MLXIPL: variants seen among roughly 807,000 people sequenced by gnomAD.
MLXIPL encodes MLX interacting protein like.
In MLXIPL, 49 loss-of-function variants were observed where a neutral mutation model predicts 81.5. That is an observed-to-expected ratio of 0.60 (90% CI 0.48 to 0.76). The LOEUF (loss-of-function observed/expected upper bound fraction) is 0.76, where lower values mean the gene tolerates loss of function less well. MLXIPL is among the 30% of genes least tolerant of loss of function. The pLI is 0.00. For synonymous variants in MLXIPL, 466 were observed against 485.5 expected (o/e 0.96, Z 0.53); for missense variants, 1,053 against 1,167.0 (o/e 0.90, Z 1.42).
At chr7:73,646,131 C>T in the MLXIPL span, among the ~76,000 whole-genome samples, 5 of 152,186 alleles carry the variant, frequency 3.3e-5, no homozygotes, top group Non-Finnish European at 7.3e-5. Flanking sequence ...CTCCCAGCCC[C>T]TGACAAACCC....
chr7:73,613,166 C>G (rs1276034769), intron 2 of MLXIPL, among the ~76,000 whole-genome samples: 4 of 152,166 alleles, frequency 2.6e-5, no homozygotes, highest in African/African-American at 7.2e-5. Context: ...CCTCCCCACT[C>G]CCGTGAAGCC....
chr7:73,609,229 C>G (rs1795525971), intron 2 of MLXIPL: 1 of 147,518 alleles, frequency 6.8e-6, no homozygotes, highest in East Asian at 2.0e-4. Context: ...CCTAGCTTCC[C>G]TGGCCACTTT....
intron 7 of MLXIPL, among the ~76,000 whole-genome samples, chr7:73,601,248 A>G (rs1554596187): frequency 1.3e-5 from 2 of 150,402 alleles, no homozygotes; most frequent in African/African-American, 4.9e-5. Context: ...CATCCCCCAG[A>G]GATAGAATCG....
At chr7:73,631,808 TTCTCC>T in the MLXIPL span, among the ~76,000 whole-genome samples, 6 of 137,250 alleles carry the variant, frequency 4.4e-5, no homozygotes, top group Non-Finnish European at 7.9e-5. Flanking sequence ...CTCCACTCCC[TTCTCC>T]TCTCTTCTCT....
At chr7:73,643,667 C>T in the MLXIPL span, among the ~76,000 whole-genome samples, 1 of 152,172 alleles carries the variant, frequency 6.6e-6, no homozygotes, top group Non-Finnish European at 1.5e-5. Context: ...ATGACCCGTC[C>T]CTTAGGCCTC....
At chr7:73,612,572 G>A (rs1360622645) in intron 2 of MLXIPL, among the ~76,000 whole-genome samples, 1 of 151,388 alleles carries the variant, frequency 6.6e-6, no homozygotes, top group Non-Finnish European at 1.5e-5. Flanking sequence ...AACCCCGGAG[G>A]AGGAGGCTGC....
chr7:73,602,070 A>ACCTGCCTGCCTGCCTG, intron 7 of MLXIPL, among the ~76,000 whole-genome samples: 1 of 87,294 alleles, frequency 1.1e-5, no homozygotes, highest in African/African-American at 3.9e-5. Context: ...CTTGCTGTCC[A>ACCTGCCTGCCTGCCTG]CCTGCCTGCC....
At chr7:73,633,442 C>T in the MLXIPL span, among the ~76,000 whole-genome samples, 1 of 151,284 alleles carries the variant, frequency 6.6e-6, no homozygotes, top group Non-Finnish European at 1.5e-5. Flanking sequence ...CCTCCTTGGG[C>T]TCAAGCAGTC....
chr7:73,634,501 C>T, the MLXIPL span, among the ~76,000 whole-genome samples: 1 of 151,998 alleles, frequency 6.6e-6, no homozygotes, highest in Non-Finnish European at 1.5e-5. Context: ...AAGCAATTCT[C>T]CTGTCTCAGA....
In MLXIPL at chr7:73,596,523, G is replaced by T; in HGVS notation, c.1823-44C>A. ...GACCCACAGAAAGACCGACCCAGGG[G>T]AAAGGGTCCCCATTGCCCCCTTCCT... is the stretch of plus-strand genomic sequence containing the variant. On this transcript the variant is annotated intron_variant, in intron 11 of 16. Coordinates refer to ENST00000313375, the MANE Select transcript of MLXIPL (RefSeq NM_032951.3). This position sits in a 1 kb window ranked among gnomAD's most constrained non-coding sequence, Gnocchi z 4.7. The T allele has an allele frequency of 6.2e-7, 1 of 1,610,388 alleles. No homozygotes were observed. The highest frequency in any genetic ancestry group is 8.5e-7 in the Non-Finnish European group (1 of 1,178,458).
chr7:73,605,825 C>T, intron 6 of MLXIPL, 57 bp from the exon 7 acceptor site: 13 of 1,589,106 alleles, frequency 8.2e-6, no homozygotes, highest in Non-Finnish European at 1.0e-5. Context: ...AGGGTCCCCA[C>T]CCCCATCCCC....
intron 1 of MLXIPL, among the ~76,000 whole-genome samples, chr7:73,620,417 AAACAACAAC>A (rs1198121862): frequency 1.3e-5 from 2 of 151,322 alleles, no homozygotes; most frequent in African/African-American, 4.9e-5. Flanking sequence ...AACAAACAAA[AAACAACAAC>A]AACAACAACA....
At chr7:73,599,782 C>A in intron 7 of MLXIPL, 87 bp from the exon 8 acceptor site, 1 of 1,376,784 alleles carries the variant, frequency 7.3e-7, no homozygotes. Flanking sequence ...TGTCCCCAGC[C>A]TTGGCGGGTG....
upstream of MLXIPL, among the ~76,000 whole-genome samples, chr7:73,628,905 C>T (rs576671320): frequency 6.6e-6 from 1 of 152,288 alleles, no homozygotes; most frequent in Admixed American, 6.5e-5. Flanking sequence ...CTCTGCCTTC[C>T]AGTCTTGGTC....
the MLXIPL span, among the ~76,000 whole-genome samples, chr7:73,632,787 C>CTTCCTTCA: frequency 4.1e-5 from 5 of 120,646 alleles, no homozygotes; most frequent in African/African-American, 1.6e-4. Flanking sequence ...TCCTTCCTTC[C>CTTCCTTCA]TTCCTTCCTT....
chr7:73,619,758 G>A (rs1469265807), intron 1 of MLXIPL, among the ~76,000 whole-genome samples: 3 of 151,520 alleles, frequency 2.0e-5, no homozygotes, highest in South Asian at 2.1e-4. Flanking sequence ...GTGAAACCCG[G>A]TCTCTACTAA....
chr7:73,606,322 T>C, intron 5 of MLXIPL: 3 of 610,512 alleles, frequency 4.9e-6, no homozygotes, highest in Non-Finnish European at 8.8e-6. Flanking sequence ...TAGACCAGGA[T>C]GCAGATACAG....
At chr7:73,613,129 G>C (rs799154) in intron 2 of MLXIPL, among the ~76,000 whole-genome samples, 1,866 of 152,282 alleles carry the variant, frequency 0.012, 34 homozygotes, top group African/African-American at 0.042. Context: ...CCCGACATTA[G>C]TGGCGTCAAG....
At position 73,593,612 on chromosome 7, in the gene MLXIPL, C is replaced by A. The variant is rs1336977868; in HGVS notation, c.*253G>T. 3.6e-5 allele frequency: 17 copies of A among 471,660 alleles called. No homozygotes were observed. The highest frequency in any genetic ancestry group is 4.3e-5 in the Non-Finnish European group (11 of 254,452). The allele number at this position is 471,660 out of a possible 1,614,324, so 29.2% of individuals were successfully genotyped here. A position where few individuals can be genotyped will look rare whatever the true frequency, so the allele number is the denominator to read the frequency against. On this transcript the variant is annotated 3_prime_UTR_variant, in exon 17 of 17. Transcript: ENST00000313375. ...CCCCATTTTGCAGATTGAAACACAG[C>A]GGTCCAAAGACAGCGGACGAGTCAC...
Sources: gnomAD v4.1 joint callset for allele counts (sites outside exome capture counted in the v4.1 genomes callset) on GRCh38, gnomAD v4.1.1 for gene constraint, Gnocchi (gnomAD v3.1) non-coding constraint, MANE v1.5 for transcripts, NCBI Gene and HGNC (gene_info 2026-07-23, HGNC 2026-07-21) for gene names.